RSU1: variants seen among roughly 807,000 people sequenced by gnomAD.
RSU1 encodes the protein rsu-1.
In RSU1, 26 loss-of-function variants were observed where a neutral mutation model predicts 31.1. The observed-to-expected ratio is 0.84, with a 90% CI of 0.61 to 1.16. The LOEUF (loss-of-function observed/expected upper bound fraction) is 1.16. RSU1 is among the 50% of genes most tolerant of loss of function. The pLI, the probability that RSU1 is intolerant of heterozygous loss-of-function variation, is 0.00. For missense variants in RSU1, 320 were observed against 339.1 expected (o/e 0.94, Z 0.44); for synonymous variants, 164 against 136.3 (o/e 1.20, Z -1.41).
chr10:16,795,596 A>C (rs1838014170), intron 2 of RSU1, among the ~76,000 whole-genome samples: 1 of 152,110 alleles, frequency 6.6e-6, no homozygotes, highest in Admixed American at 6.5e-5. Flanking sequence ...AAGCAGAGAG[A>C]ACCCCCTAAA....
chr10:16,722,149 T>C (rs1836277817), intron 7 of RSU1, among the ~76,000 whole-genome samples: 1 of 152,208 alleles, frequency 6.6e-6, no homozygotes, highest in African/African-American at 2.4e-5. Context: ...AACTGATCTA[T>C]TTGATTATTA....
Position 16,695,066 on chromosome 10 carries a change from C to T in RSU1, c.688G>A (p.Val230Met), listed in dbSNP as rs144428707. 57 of 1,612,790 alleles carry T rather than the reference C, an allele frequency of 3.5e-5. No homozygotes were observed. Among genetic ancestry groups the T allele is most frequent in the Admixed American group, 5.0e-5 (3 of 59,844 alleles). Reference protein sequence around the residue: ...TPIADQFQLGVSHVFEYIRSE... With the variant: ...TPIADQFQLGMSHVFEYIRSE... ...CGGATATACTCAAAAACATGGGACA[C>T]GCCAAGCTGGAACTGGTCTGCAATG... Residue 230 changes from valine (V) to methionine (M), a missense_variant, in exon 8 of 9, where the codon GTG (valine) becomes ATG (methionine). By Grantham distance (21) the Val-to-Met change is conservative (BLOSUM62 1). Transcript: ENST00000345264.
chr10:16,720,723 A>C (rs1836239688), intron 7 of RSU1, among the ~76,000 whole-genome samples: 1 of 152,246 alleles, frequency 6.6e-6, no homozygotes, highest in South Asian at 2.1e-4. Context: ...ACCCCCATCC[A>C]GCTATCACAT....
intron 7 of RSU1, among the ~76,000 whole-genome samples, chr10:16,709,216 A>G (rs1028914248): frequency 2.2e-4 from 34 of 151,562 alleles, no homozygotes; most frequent in Non-Finnish European, 4.6e-4. Flanking sequence ...TCATTGTTCA[A>G]TTCCCATCTA....
At chr10:16,601,186 G>A (rs990896564) in intron 8 of RSU1, among the ~76,000 whole-genome samples, 1 of 152,160 alleles carries the variant, frequency 6.6e-6, no homozygotes, top group Non-Finnish European at 1.5e-5. Context: ...AAAAGGCAGG[G>A]AAGAGTCCCT....
intron 8 of RSU1, among the ~76,000 whole-genome samples, chr10:16,693,647 C>T (rs957324612): frequency 4.6e-5 from 7 of 151,894 alleles, no homozygotes; most frequent in Non-Finnish European, 7.4e-5. Context: ...GATTGCTTGA[C>T]ACCAGGAGTT....
intron 7 of RSU1, among the ~76,000 whole-genome samples, chr10:16,736,802 A>G (rs61842358): frequency 0.022 from 3,335 of 152,276 alleles, 68 homozygotes; most frequent in Non-Finnish European, 0.032. Flanking sequence ...AAAGAAAAAC[A>G]TGAACATAAT....
chr10:16,703,419 AC>A (rs1835835817), intron 7 of RSU1, among the ~76,000 whole-genome samples: 1 of 152,174 alleles, frequency 6.6e-6, no homozygotes. Flanking sequence ...ATACTGTTTG[AC>A]CTGGTAATTC....
chr10:16,757,421 G>T (rs964159083), intron 4 of RSU1, among the ~76,000 whole-genome samples: 1 of 152,056 alleles, frequency 6.6e-6, no homozygotes, highest in Non-Finnish European at 1.5e-5. Flanking sequence ...GGGAAACGCG[G>T]GTTCCCCCTG....
intron 8 of RSU1, among the ~76,000 whole-genome samples, chr10:16,682,267 C>A (rs1835339920): frequency 6.6e-6 from 1 of 152,114 alleles, no homozygotes; most frequent in African/African-American, 2.4e-5. Flanking sequence ...GAAAATGAGG[C>A]TGGGACCTGC....
chr10:16,682,840 G>C (rs4747281), intron 8 of RSU1, among the ~76,000 whole-genome samples: 53,232 of 151,582 alleles, frequency 0.35, 9,917 homozygotes, highest in African/African-American at 0.47. Flanking sequence ...TACTGGAGGG[G>C]GTCCCATCAC....
chr10:16,596,094 C>T (rs567271841), intron 8 of RSU1, among the ~76,000 whole-genome samples: 51 of 152,260 alleles, frequency 3.3e-4, no homozygotes, highest in African/African-American at 1.2e-3. Flanking sequence ...GGTCCTGGGT[C>T]CTGTGTCCCA....
chr10:16,773,885 T>TA (rs79696099), intron 3 of RSU1, among the ~76,000 whole-genome samples: 13,029 of 151,790 alleles, frequency 0.086, 837 homozygotes, highest in East Asian at 0.3. Context: ...TCAGTTTTTT[T>TA]AAAAAAATCA....
At chr10:16,752,734 C>G in intron 6 of RSU1, 81 bp from the exon 7 acceptor site, 1 of 1,134,262 alleles carries the variant, frequency 8.8e-7, no homozygotes, top group Non-Finnish European at 1.3e-6. Flanking sequence ...TATGTCCTCT[C>G]TTCTACTAAA....
rs1837664075 is a variant in RSU1, at chr10:16,782,091, A to G, written c.110-7T>C. On this transcript the variant is annotated splice_polypyrimidine_tract_variant and splice_region_variant and intron_variant, in intron 2 of 8. Transcript: ENST00000345264. ...GTGATATGGGATAAGGTAACTAAAA[A>G]GAAAAGAAAAAAAAAAAGGTCAGTC... The G allele has an allele frequency of 1.9e-6, 3 of 1,610,726 alleles. No homozygotes were observed. The highest frequency in any genetic ancestry group is 1.7e-4 in the Middle Eastern group (1 of 5,782).
intron 7 of RSU1, among the ~76,000 whole-genome samples, chr10:16,717,705 A>C (rs1056860360): frequency 6.6e-6 from 1 of 152,352 alleles, no homozygotes; most frequent in Middle Eastern, 3.4e-3. Flanking sequence ...CCAAGGACAT[A>C]AACTGTTGTA....
intron 3 of RSU1, among the ~76,000 whole-genome samples, chr10:16,770,385 G>C (rs1837399932): frequency 2.0e-5 from 3 of 152,132 alleles, no homozygotes; most frequent in African/African-American, 7.2e-5. Context: ...ACTAGACCCT[G>C]CACCATGCTA....
At chr10:16,672,331 C>T (rs1835123864) in intron 8 of RSU1, among the ~76,000 whole-genome samples, 1 of 151,934 alleles carries the variant, frequency 6.6e-6, no homozygotes, top group Non-Finnish European at 1.5e-5. Flanking sequence ...TAAATCCATA[C>T]CTGCCATATG....
At chr10:16,640,934 T>A (rs987899044) in intron 8 of RSU1, among the ~76,000 whole-genome samples, 2 of 152,218 alleles carry the variant, frequency 1.3e-5, no homozygotes, top group East Asian at 1.9e-4. Flanking sequence ...AAGAATGGAA[T>A]TGAACAATGG....
Sources: allele counts gnomAD v4.1 joint callset (sites outside exome capture counted in the v4.1 genomes callset), GRCh38; gene constraint gnomAD v4.1.1; transcripts MANE v1.5; gene names NCBI Gene and HGNC (gene_info 2026-07-23, HGNC 2026-07-21).